The following THRB variants were observed in gnomAD, a reference collection of about 807,000 sequenced individuals.
The protein encoded by THRB is nuclear receptor subfamily 1 group A member 2.
A neutral mutation model predicts 47.8 loss-of-function variants in THRB; 12 were observed. The ratio of observed to expected loss-of-function variants is 0.25; its 90% confidence interval spans 0.16 to 0.41. THRB has a LOEUF of 0.41. THRB is among the 10% of genes least tolerant of loss of function. THRB has a pLI of 1.00. For synonymous variants in THRB, 218 were observed against 212.2 expected, an observed-to-expected ratio of 1.03 and a Z score of -0.24; for missense variants, 348 against 589.2, an observed-to-expected ratio of 0.59 and a Z score of 4.24.
chr3:24,477,163 T>C (rs1005512321), intron 1 of THRB, among the ~76,000 whole-genome samples: 1 of 151,996 alleles, frequency 6.6e-6, no homozygotes, highest in Non-Finnish European at 1.5e-5. Context: ...ATACATTTGA[T>C]ATACTCTAAT....
rs113944074 is a variant in THRB at position 24,454,895 on chromosome 3, C to T, written c.-261+39757G>A. ...TAATGAGAATGAGAATCAGAGCTTT[C>T]CAGATCAAAGCTTTATTTTTTATTT... is the stretch of plus-strand genomic sequence containing the variant. On this transcript the variant is annotated intron_variant, in intron 1 of 10. Coordinates refer to ENST00000646209, the MANE Select transcript of THRB (RefSeq NM_001354712.2). Among the ~76,000 whole-genome samples the T allele has an allele frequency of 3.8e-3, 571 of 152,162 alleles. 7 individuals carry two copies. Among genetic ancestry groups the T allele is most frequent in the African/African-American group, 0.012 (519 of 41,524 alleles).
At chr3:24,229,600 C>G (rs926212278) in intron 3 of THRB, among the ~76,000 whole-genome samples, 9 of 152,186 alleles carry the variant, frequency 5.9e-5, no homozygotes, top group African/African-American at 9.7e-5. Flanking sequence ...CCAAGAGCAA[C>G]AGTCAGACTT....
chr3:24,374,552 T>C (rs113299346), intron 1 of THRB, among the ~76,000 whole-genome samples: 1,961 of 152,268 alleles, frequency 0.013, 16 homozygotes, highest in Non-Finnish European at 0.02. Context: ...TACTATTATT[T>C]AAAATGCAAT....
intron 1 of THRB, among the ~76,000 whole-genome samples, chr3:24,434,529 CT>C (rs1276168240): frequency 6.6e-6 from 1 of 152,180 alleles, no homozygotes; most frequent in Non-Finnish European, 1.5e-5. Context: ...GAGAGAATGA[CT>C]GTGAAAAGGC....
At chr3:24,208,636 G>A (rs2045668259) in intron 4 of THRB, among the ~76,000 whole-genome samples, 1 of 152,206 alleles carries the variant, frequency 6.6e-6, no homozygotes, top group Admixed American at 6.5e-5. Flanking sequence ...TGGGAAAACT[G>A]GGTAGCCATA....
intron 2 of THRB, among the ~76,000 whole-genome samples, chr3:24,312,491 G>T (rs1329595722): frequency 2.0e-5 from 3 of 152,162 alleles, no homozygotes; most frequent in East Asian, 1.9e-4. Flanking sequence ...GATACAAAAG[G>T]TTCCTTCCCA....
intron 8 of THRB, 150 bp from the exon 9 acceptor site, chr3:24,133,612 C>T (rs897757539): frequency 3.8e-6 from 3 of 781,648 alleles, no homozygotes; most frequent in Admixed American, 2.1e-5. Context: ...GTACAGTTTA[C>T]ACATCTTTGA....
At chr3:24,469,522 T>C (rs1013059716) in intron 1 of THRB, among the ~76,000 whole-genome samples, 1 of 152,194 alleles carries the variant, frequency 6.6e-6, no homozygotes, top group Non-Finnish European at 1.5e-5. Flanking sequence ...TCTCAGATGT[T>C]CTCATTACTT....
At chr3:24,245,894 C>T (rs996992376) in intron 3 of THRB, among the ~76,000 whole-genome samples, 3 of 151,852 alleles carry the variant, frequency 2.0e-5, no homozygotes, top group African/African-American at 7.3e-5. Flanking sequence ...GCCTGGGCAA[C>T]AGAGCGAGAC....
At chr3:24,191,399 G>C (rs1468661025) in intron 4 of THRB, among the ~76,000 whole-genome samples, 3 of 151,952 alleles carry the variant, frequency 2.0e-5, no homozygotes, top group African/African-American at 7.3e-5. Flanking sequence ...CCTTTTCAGA[G>C]TTTATATGGT....
At chr3:24,492,537 A>G (rs1382572030) in intron 1 of THRB, among the ~76,000 whole-genome samples, 2 of 152,164 alleles carry the variant, frequency 1.3e-5, no homozygotes, top group Non-Finnish European at 2.9e-5. Flanking sequence ...CATCAAAAAG[A>G]TGGGCTTACT....
intron 4 of THRB, among the ~76,000 whole-genome samples, chr3:24,210,453 G>C (rs1272153887): frequency 6.6e-6 from 1 of 151,792 alleles, no homozygotes; most frequent in Admixed American, 6.6e-5. Context: ...GCAATATCTG[G>C]AGACATTTTT....
chr3:24,441,520 A>C (rs2071522925), intron 1 of THRB, among the ~76,000 whole-genome samples: 1 of 152,248 alleles, frequency 6.6e-6, no homozygotes, highest in Non-Finnish European at 1.5e-5. Flanking sequence ...TTGGGGAGGT[A>C]CAAGAAAATG....
chr3:24,370,868 C>T (rs1226702245), intron 1 of THRB, among the ~76,000 whole-genome samples: 2 of 152,110 alleles, frequency 1.3e-5, no homozygotes, highest in South Asian at 2.1e-4. Context: ...CAACTGAAGT[C>T]GTCATTTGAA....
At chr3:24,312,608 T>C (rs1391307347) in intron 2 of THRB, among the ~76,000 whole-genome samples, 1 of 152,200 alleles carries the variant, frequency 6.6e-6, no homozygotes, top group Non-Finnish European at 1.5e-5. Context: ...ACTGATCTCC[T>C]TCTATATCCT....
intron 8 of THRB, among the ~76,000 whole-genome samples, chr3:24,143,261 C>A (rs2035672379): frequency 6.6e-6 from 1 of 152,102 alleles, no homozygotes; most frequent in Admixed American, 6.6e-5. Flanking sequence ...TATAATGTGG[C>A]CTAAGAAACT....
chr3:24,367,489 G>C (rs1320200082), intron 1 of THRB, among the ~76,000 whole-genome samples: 1 of 152,090 alleles, frequency 6.6e-6, no homozygotes, highest in African/African-American at 2.4e-5. Context: ...TTGATATACT[G>C]GGTTACTGCA....
chr3:24,151,204 A>C (rs1402316764), intron 6 of THRB, among the ~76,000 whole-genome samples: 1 of 152,232 alleles, frequency 6.6e-6, no homozygotes, highest in Non-Finnish European at 1.5e-5. Context: ...TATTATCTCA[A>C]CATTTTTAGC....
At chr3:24,450,459 C>T (rs62228822) in intron 1 of THRB, among the ~76,000 whole-genome samples, 1 of 152,168 alleles carries the variant, frequency 6.6e-6, no homozygotes, top group Non-Finnish European at 1.5e-5. Context: ...ATTTTATCTC[C>T]ATTTGTGCAT....
Sources: allele counts gnomAD v4.1 joint callset (sites outside exome capture counted in the v4.1 genomes callset), GRCh38; gene constraint gnomAD v4.1.1; transcripts MANE v1.5; gene names NCBI Gene and HGNC (gene_info 2026-07-23, HGNC 2026-07-21).